JPT2: variants seen among roughly 807,000 people sequenced by gnomAD.
JPT2 encodes CRAMP_1 like.
JPT2 carries 9 observed loss-of-function variants against 15.9 expected under a neutral mutation model. That is an observed-to-expected ratio of 0.57 (90% CI 0.34 to 0.99). JPT2 has a LOEUF of 0.99. Among genes scored for constraint, JPT2 ranks in the 50% least tolerant of loss-of-function variants. The pLI is 0.02. For synonymous variants in JPT2, 95 were observed against 91.7 expected (o/e 1.04, Z -0.21); for missense variants, 267 against 252.1 (o/e 1.06, Z -0.40).
chr16:1,692,243 G>A, intron 3 of JPT2: 1 of 523,050 alleles, frequency 1.9e-6, no homozygotes, highest in Non-Finnish European at 3.4e-6. Flanking sequence ...ACGGGCTGTG[G>A]CGGCTCCTCA....
At chr16:1,685,668 C>A in intron 2 of JPT2, 81 bp downstream of exon 2, 1 of 1,419,626 alleles carries the variant, frequency 7.0e-7, no homozygotes, top group Non-Finnish European at 9.6e-7. Context: ...TATACTGATC[C>A]TTTCCCATAT....
At chr16:1,684,947 A>G (rs2037053673) in intron 1 of JPT2, among the ~76,000 whole-genome samples, 1 of 151,814 alleles carries the variant, frequency 6.6e-6, no homozygotes, top group South Asian at 2.1e-4. Context: ...AAGGGAAACT[A>G]AAGAGCAGCA....
chr16:1,688,334 G>A (rs1475026673), intron 2 of JPT2: 2 of 152,196 alleles, frequency 1.3e-5, no homozygotes, highest in Non-Finnish European at 2.9e-5. Context: ...AGTGCTAGTC[G>A]GTGGCAGAGC....
Position 1,697,730 on chromosome 16 carries a change from A to G in JPT2, c.337-82A>G, listed in dbSNP as rs2037152796. The G allele has an allele frequency of 8.3e-6, 11 of 1,317,396 alleles. No homozygotes were observed. The South Asian group carries it at 8.5e-5, about 10-fold the overall frequency. The allele number at this position is 1,317,396 out of a possible 1,614,324, so 81.6% of individuals were successfully genotyped here. ...GCATTTTTGTAAATTAAAAGGTTAT[A>G]TGGTCCTGATTTTCATTGTCCATTT... On this transcript the variant is annotated intron_variant, in intron 3 of 4. Coordinates refer to ENST00000248098, the MANE Select transcript of JPT2 (RefSeq NM_144570.3).
At chr16:1,679,955 A>T (rs2036931363) in intron 1 of JPT2, among the ~76,000 whole-genome samples, 1 of 151,822 alleles carries the variant, frequency 6.6e-6, no homozygotes, top group Non-Finnish European at 1.5e-5. Flanking sequence ...GTTCCTTGAG[A>T]GGCTGAGGCA....
At chr16:1,688,087 C>G (rs1003570974) in intron 2 of JPT2, among the ~76,000 whole-genome samples, 3 of 152,330 alleles carry the variant, frequency 2.0e-5, no homozygotes, top group Middle Eastern at 6.8e-3. Flanking sequence ...CAATGATGAC[C>G]AACGTCTATG....
At chr16:1,685,910 G>T (rs2037061390) in intron 2 of JPT2, 1 of 229,454 alleles carries the variant, frequency 4.4e-6, no homozygotes. Flanking sequence ...GAAATTGCGT[G>T]CAAATTATTG....
intron 2 of JPT2, chr16:1,686,415 G>C (rs1412100750): frequency 6.4e-6 from 1 of 155,302 alleles, no homozygotes; most frequent in African/African-American, 2.4e-5. Flanking sequence ...TTCTCAGCCG[G>C]GCGTGGTGGC....
chr16:1,696,515 C>T (rs1041046960), intron 3 of JPT2, among the ~76,000 whole-genome samples: 2 of 148,648 alleles, frequency 1.3e-5, no homozygotes, highest in South Asian at 2.1e-4. Context: ...AGTGAGACTC[C>T]GTGTCAAAAA....
Position 1,691,955 on chromosome 16 carries a change from T to G in JPT2, c.306T>G (p.Thr102=). The G allele has an allele frequency of 6.2e-7, 1 of 1,614,188 alleles. No individual in the cohort carries two copies. The highest frequency in any genetic ancestry group is 1.1e-5 in the South Asian group (1 of 91,090). ...TTTTTGGGTCTCCGGTCACTGCCAC[T>G]TCACGCTTGGCACACCCAAACAAAC... is the stretch of plus-strand genomic sequence containing the variant. ...SDIFGSPVTA[T]SRLAHPNKPK... The change falls in exon 3 of 5, where the codon ACT becomes ACG. Residue 102 remains threonine (T), a synonymous_variant. Coordinates refer to ENST00000248098, the MANE Select transcript of JPT2 (RefSeq NM_144570.3).
intron 3 of JPT2, among the ~76,000 whole-genome samples, chr16:1,696,719 C>T (rs2037144840): frequency 2.0e-5 from 3 of 152,054 alleles, no homozygotes; most frequent in South Asian, 4.1e-4. Flanking sequence ...AAAAACCACC[C>T]GAAAAGATGG....
At chr16:1,684,211 C>T (rs1056595396) in intron 1 of JPT2, among the ~76,000 whole-genome samples, 1 of 152,160 alleles carries the variant, frequency 6.6e-6, no homozygotes, top group African/African-American at 2.4e-5. Flanking sequence ...GGGCTGACTT[C>T]GTTTCTAAAC....
At chr16:1,683,412 GCCCTT>G in intron 1 of JPT2, 8 of 759,968 alleles carry the variant, frequency 1.1e-5, no homozygotes, top group Non-Finnish European at 1.7e-5. Flanking sequence ...CTCCCGGACA[GCCCTT>G]TCTCATTTAA....
chr16:1,692,002 G>T lies in JPT2; in HGVS notation c.336+17G>T. On this transcript the variant is annotated intron_variant, in intron 3 of 4. Transcript: ENST00000248098. ...AAACCCAAGGTATGGACTGCATTCA[G>T]ACGTGACAGCGCAGCAGCGGGTATG... 6.2e-7 allele frequency: 1 copy of T among 1,613,852 alleles called. No homozygotes were observed.
chr16:1,697,494 C>A (rs1270238814), intron 3 of JPT2, among the ~76,000 whole-genome samples: 2 of 149,920 alleles, frequency 1.3e-5, no homozygotes, highest in Non-Finnish European at 2.9e-5. Flanking sequence ...GCCTGAATGA[C>A]TGAACAAGAC....
chr16:1,702,287 C>T (rs1048977892), downstream of JPT2: 5 of 408,752 alleles, frequency 1.2e-5, no homozygotes, highest in Admixed American at 1.4e-4. Flanking sequence ...ACTGAAACAC[C>T]GTCTTCACTT....
chr16:1,683,737 C>T (rs919009824), intron 1 of JPT2: 22 of 619,832 alleles, frequency 3.5e-5, no homozygotes, highest in Admixed American at 9.2e-5. Context: ...GAGCCCTCAG[C>T]GCTCTTTCTA....
chr16:1,678,439 T>TG, intron 1 of JPT2, 83 bp downstream of exon 1: 1 of 944,808 alleles, frequency 1.1e-6, no homozygotes, highest in Non-Finnish European at 1.3e-6. Context: ...CCACCAGCCG[T>TG]GTGGGGTTGG....
intron 3 of JPT2, among the ~76,000 whole-genome samples, chr16:1,695,144 G>A (rs1212729251): frequency 1.3e-5 from 2 of 152,146 alleles, no homozygotes; most frequent in Non-Finnish European, 2.9e-5. Context: ...AGTGGCTCAT[G>A]CCTGTAATCC....
Sources: allele counts gnomAD v4.1 joint callset (sites outside exome capture counted in the v4.1 genomes callset), GRCh38; gene constraint gnomAD v4.1.1; transcripts MANE v1.5; gene names NCBI Gene and HGNC (gene_info 2026-07-23, HGNC 2026-07-21).